Variants in CAPRIN1 observed in about 807,000 individuals in gnomAD.
CAPRIN1 encodes cell cycle associated protein 1, also known as caprin-1.
In CAPRIN1, 29 loss-of-function variants were observed where a neutral mutation model predicts 100.9. That is an observed-to-expected ratio of 0.29 (90% CI 0.21 to 0.39). The LOEUF is 0.39. Ranked by LOEUF, CAPRIN1 falls within the 10% of genes least tolerant of loss-of-function variation. The pLI, the probability that CAPRIN1 is intolerant of heterozygous loss-of-function variation, is 1.00. For synonymous variants in CAPRIN1, 338 were observed against 307.5 expected, an observed-to-expected ratio of 1.10 and a Z score of -1.04; for missense variants, 795 against 876.7, an observed-to-expected ratio of 0.91 and a Z score of 1.18.
chr11:34,052,651 C>A lies in CAPRIN1; in HGVS notation c.216+15C>A. On this transcript the variant is annotated intron_variant, in intron 2 of 18. Coordinates refer to ENST00000341394, the MANE Select transcript of CAPRIN1 (RefSeq NM_005898.5). The stretch of plus-strand genomic sequence containing the variant: ...AGAAGAAAAAGGTGCCAGGAGTTGG[C>A]GGGGAAGGGAGGGGTGGCTGCGGCC... 6.3e-7 allele frequency: 1 copy of A among 1,593,216 alleles called. No individual in the cohort carries two copies. The highest frequency in any genetic ancestry group is 8.6e-7 in the Non-Finnish European group (1 of 1,169,562).
At position 34,096,321 on chromosome 11, in the gene CAPRIN1, G is replaced by A. The variant is rs1041573499; in HGVS notation, c.1706-158G>A. 84 of 564,796 alleles carry A rather than the reference G, an allele frequency of 1.5e-4. 1 individual carries two copies. The highest frequency in any genetic ancestry group is 4.2e-4 in the South Asian group (17 of 40,836). The allele number at this position is 564,796 out of a possible 1,614,324, so 35.0% of individuals were successfully genotyped here. A position where few individuals can be genotyped will look rare whatever the true frequency, so the allele number is the denominator to read the frequency against. On this transcript the variant is annotated intron_variant, in intron 15 of 18. Coordinates refer to ENST00000341394, the MANE Select transcript of CAPRIN1 (RefSeq NM_005898.5). ...GTCTAAGGGTAGGAGAAAGGTAAGAGACTTTATTCATGTGTAGTTTTTCTT... is the reference window on the plus strand; with the variant it reads ...GTCTAAGGGTAGGAGAAAGGTAAGAAACTTTATTCATGTGTAGTTTTTCTT...
intron 6 of CAPRIN1, 51 bp downstream of exon 6, chr11:34,076,693 C>A: frequency 4.2e-6 from 5 of 1,197,366 alleles, no homozygotes; most frequent in Non-Finnish European, 6.1e-6. Context: ...TCTTTAAAAA[C>A]TAATTTTCTT....
chr11:34,065,132 T>G (rs1850663949), intron 2 of CAPRIN1, among the ~76,000 whole-genome samples: 2 of 151,922 alleles, frequency 1.3e-5, no homozygotes, highest in Non-Finnish European at 2.9e-5. Flanking sequence ...ACTAATTTTT[T>G]TTTGTATTTT....
intron 4 of CAPRIN1, among the ~76,000 whole-genome samples, chr11:34,072,725 T>G (rs916606348): frequency 6.6e-6 from 1 of 152,198 alleles, no homozygotes; most frequent in Non-Finnish European, 1.5e-5. Context: ...GCCAGAAAAT[T>G]AAGCCATCTG....
Position 34,052,484 on chromosome 11 carries a change from G to A in CAPRIN1, c.64G>A (p.Gly22Ser). The A allele has an allele frequency of 1.2e-6, 2 of 1,607,880 alleles. No individual in the cohort carries two copies. Among genetic ancestry groups the A allele is most frequent in the Non-Finnish European group, 1.7e-6 (2 of 1,178,670 alleles). ...GTCGTCCGGACCGCCACCGCCGTCG[G>A]GTTCCTCCGGGAGTGAGGCGGCCGC... ...SKSSGPPPPS[G>S]SSGSEAAAGA... Residue 22 changes from glycine (G) to serine (S), a missense_variant, in exon 2 of 19, where the codon GGT becomes AGT. This residue lies in a region of CAPRIN1 where 109 missense variants were observed against 86.6 expected (regional missense o/e 1.26). Transcript: ENST00000341394.
chr11:34,064,613 A>G (rs1397544195), intron 2 of CAPRIN1, among the ~76,000 whole-genome samples: 1 of 152,220 alleles, frequency 6.6e-6, no homozygotes, highest in Non-Finnish European at 1.5e-5. Flanking sequence ...AAATTAGACC[A>G]ATTGTCGTAA....
rs1238492227 is a variant in CAPRIN1 at position 34,097,694 on chromosome 11, T to A, written c.2002-4T>A. 6.2e-7 allele frequency: 1 copy of A among 1,614,084 alleles called. No homozygotes were observed. Among genetic ancestry groups the A allele is most frequent in the East Asian group, 2.2e-5 (1 of 44,882 alleles). On this transcript the variant is annotated splice_polypyrimidine_tract_variant and splice_region_variant and intron_variant, in intron 17 of 18. Coordinates refer to ENST00000341394, the MANE Select transcript of CAPRIN1 (RefSeq NM_005898.5). ...TTTTCAATACTAACTAGCTTGTCTTTTAGGATGGATATCAGCAGAATTTCA... is the reference window on the plus strand; with the variant it reads ...TTTTCAATACTAACTAGCTTGTCTTATAGGATGGATATCAGCAGAATTTCA...
rs116850751 is a variant in CAPRIN1, at chr11:34,074,247, A to G, written c.367-1989A>G. 2.0e-4 allele frequency among the ~76,000 whole-genome samples: 30 copies of G among 152,248 alleles called. 1 individual carries two copies. The East Asian group carries it at 5.6e-3, about 28-fold the overall frequency. ...TGCTATACAGTTTAATGTAACATCT[A>G]TTTTGGAAGTTACTATCACTGTGTA... On this transcript the variant is annotated intron_variant, in intron 4 of 18. Transcript: ENST00000341394.
At chr11:34,083,381 C>T (rs888280578) in intron 9 of CAPRIN1, among the ~76,000 whole-genome samples, 2 of 152,178 alleles carry the variant, frequency 1.3e-5, no homozygotes, top group African/African-American at 4.8e-5. Context: ...ATCTTGCACT[C>T]CTCCTTTACC....
intron 4 of CAPRIN1, among the ~76,000 whole-genome samples, chr11:34,072,820 C>T (rs959106899): frequency 6.6e-6 from 1 of 152,152 alleles, no homozygotes; most frequent in African/African-American, 2.4e-5. Context: ...CAACTTTGGA[C>T]CACATATATG....
Position 34,076,312 on chromosome 11 carries a change from CTG to C in CAPRIN1, c.445_446del (p.Val149ThrfsTer2), listed in dbSNP as rs772268565. ...GAAGCTGAACAGAAACGTTTAAAAA[CTG>C]TACTTGAGCTACAGTATGTTTTGGA... On this transcript the variant is annotated frameshift_variant, in exon 5 of 19. Coordinates refer to ENST00000341394, the MANE Select transcript of CAPRIN1 (RefSeq NM_005898.5). LOFTEE classifies it high-confidence loss of function. The C allele has an allele frequency of 6.2e-7, 1 of 1,614,080 alleles. No individual in the cohort carries two copies. Among genetic ancestry groups the C allele is most frequent in the Non-Finnish European group, 8.5e-7 (1 of 1,180,030 alleles).
intron 6 of CAPRIN1, among the ~76,000 whole-genome samples, chr11:34,079,029 A>ATG (rs56278905): frequency 0.88 from 134,648 of 152,152 alleles, 59,745 homozygotes; most frequent in East Asian, 1. Context: ...ATATTGTCTA[A>ATG]TGTGTAGTAG....
At chr11:34,067,092 G>A (rs1339823585) in intron 2 of CAPRIN1, among the ~76,000 whole-genome samples, 1 of 152,078 alleles carries the variant, frequency 6.6e-6, no homozygotes, top group Admixed American at 6.6e-5. Context: ...ACCACGCCCA[G>A]CTAATTTTTG....
Position 34,086,198 on chromosome 11 carries a change from G to A in CAPRIN1, c.1101G>A (p.Gln367=). The A allele has an allele frequency of 6.2e-7, 1 of 1,614,056 alleles. No homozygotes were observed. Among genetic ancestry groups the A allele is most frequent in the Non-Finnish European group, 8.5e-7 (1 of 1,179,940 alleles). Residue 367 remains glutamine (Q), a synonymous_variant, in exon 10 of 19, where the codon CAG becomes CAA. Transcript: ENST00000341394. ...QRVQDLMAQM[Q]GPYNFIQDSM... is the part of the protein sequence containing the mutation. ...TACAAGACCTTATGGCACAAATGCA[G>A]GGTCCCTATAATTTCATACAGGTAT... is the stretch of plus-strand genomic sequence containing the variant.
At chr11:34,057,752 C>G (rs894722836) in intron 2 of CAPRIN1, among the ~76,000 whole-genome samples, 1 of 152,070 alleles carries the variant, frequency 6.6e-6, no homozygotes, top group Non-Finnish European at 1.5e-5. Context: ...CAGTTTTGCT[C>G]TCGTTGCCCA....
In CAPRIN1 at chr11:34,101,045, C is replaced by T. The variant is rs1363285285; in HGVS notation, c.*1678C>T. The T allele has an allele frequency of 3.9e-5, 6 of 152,472 alleles. No homozygotes were observed. The highest frequency in any genetic ancestry group is 8.8e-5 in the Non-Finnish European group (6 of 67,998). The allele number at this position is 152,472 out of a possible 1,614,324, so 9.4% of individuals were successfully genotyped here. A position where few individuals can be genotyped will look rare whatever the true frequency, so the allele number is the denominator to read the frequency against. On this transcript the variant is annotated 3_prime_UTR_variant, in exon 19 of 19. Coordinates refer to ENST00000341394, the MANE Select transcript of CAPRIN1 (RefSeq NM_005898.5). ...GAGTTTTTGCTGGTTTTGTAACCTA[C>T]CAAAATGGATAGGCTGTTGAACATT...
chr11:34,054,673 C>T (rs550177223), intron 2 of CAPRIN1, among the ~76,000 whole-genome samples: 13 of 152,162 alleles, frequency 8.5e-5, no homozygotes, highest in African/African-American at 2.9e-4. Context: ...CTGATCCGCC[C>T]GCCTTGGTCT....
Position 34,101,343 on chromosome 11 carries a change from AGAT to A in CAPRIN1, c.*1981_*1983del, listed in dbSNP as rs1833791179. Among the ~76,000 whole-genome samples the A allele has an allele frequency of 6.6e-6, 1 of 152,322 alleles. No individual in the cohort carries two copies. Among genetic ancestry groups the A allele is most frequent in the Non-Finnish European group, 1.5e-5 (1 of 68,014 alleles). On this transcript the variant is annotated 3_prime_UTR_variant, in exon 19 of 19. Coordinates refer to ENST00000341394, the MANE Select transcript of CAPRIN1 (RefSeq NM_005898.5). ...ATTTGTGGTTTACTGGGTAATCCCT[AGAT>A]GATGTATGCTTGCAGTCCTATATAA... is the stretch of plus-strand genomic sequence containing the variant.
In CAPRIN1 at chr11:34,090,326, G is replaced by A. The variant is rs1293774658; in HGVS notation, c.1404+37G>A. 5.1e-6 allele frequency: 7 copies of A among 1,386,036 alleles called. No homozygotes were observed. The Admixed American group carries it at 1.2e-4, about 23-fold the overall frequency. The allele number at this position is 1,386,036 out of a possible 1,614,324, so 85.9% of individuals were successfully genotyped here. A position where few individuals can be genotyped will look rare whatever the true frequency, so the allele number is the denominator to read the frequency against. On this transcript the variant is annotated intron_variant, in intron 13 of 18. Transcript: ENST00000341394. ...TACCGGGTCACATACATTTGATGAG[G>A]CACTTACTCATGAATTGAACAGATG...
Sources: allele counts gnomAD v4.1 joint callset (sites outside exome capture counted in the v4.1 genomes callset), GRCh38; gene constraint gnomAD v4.1.1; regional missense constraint gnomAD v4.1.1; transcripts MANE v1.5; gene names NCBI Gene and HGNC (gene_info 2026-07-23, HGNC 2026-07-21).